The following GPA33 variants were observed in gnomAD, a reference collection of about 807,000 sequenced individuals.
GPA33 encodes the protein glycoprotein A33.
A neutral mutation model predicts 35.6 loss-of-function variants in GPA33; 27 were observed. The ratio of observed to expected loss-of-function variants is 0.76; its 90% CI spans 0.56 to 1.04. The LOEUF (loss-of-function observed/expected upper bound fraction) is 1.04. GPA33 is among the 50% of genes least tolerant of loss of function. The pLI is 0.00. For missense variants in GPA33, 428 were observed against 411.9 expected, an observed-to-expected ratio of 1.04 and a Z score of -0.34; for synonymous variants, 176 against 164.0, an observed-to-expected ratio of 1.07 and a Z score of -0.56.
chr1:167,076,423 A>C (rs1325676939), intron 1 of GPA33, among the ~76,000 whole-genome samples: 2 of 152,190 alleles, frequency 1.3e-5, no homozygotes, highest in Non-Finnish European at 2.9e-5. Flanking sequence ...AGGCTGCAGC[A>C]TAAAGAAGGA....
intron 1 of GPA33, chr1:167,082,459 G>A: frequency 2.6e-6 from 1 of 378,814 alleles, no homozygotes; most frequent in Non-Finnish European, 5.1e-6. Context: ...AGGATCCTGA[G>A]CAGATTTCTT....
At chr1:167,055,608 G>C in intron 5 of GPA33, 122 bp downstream of exon 5, 1 of 1,050,728 alleles carries the variant, frequency 9.5e-7, no homozygotes, top group Non-Finnish European at 1.4e-6. Flanking sequence ...CAGCTAACCT[G>C]CAGGTGCGTG....
At chr1:167,070,129 G>A (rs149521287) in intron 2 of GPA33, among the ~76,000 whole-genome samples, 1 of 152,280 alleles carries the variant, frequency 6.6e-6, no homozygotes, top group African/African-American at 2.4e-5. Flanking sequence ...TGGGGGTATT[G>A]GGAGAGTAAG....
chr1:167,055,098 C>G lies in GPA33; in HGVS notation c.705G>C (p.Val235=). 1 of 1,612,654 alleles carries G rather than the reference C, an allele frequency of 6.2e-7. No homozygotes were observed. The highest frequency in any genetic ancestry group is 8.5e-7 in the Non-Finnish European group (1 of 1,179,840). ...CCACCGCGATGCCCACATACAGGGC[C>G]ACGTTCATGGAGGCTGCAAGAGGAC... is the stretch of plus-strand genomic sequence containing the variant. ...TVAVRSPSMN[V]ALYVGIAVGV... is the part of the protein sequence containing the mutation. The change falls in exon 6 of 7, where the codon GTG becomes GTC. Residue 235 remains valine, a synonymous_variant. Coordinates refer to ENST00000367868, the MANE Select transcript of GPA33 (RefSeq NM_005814.3).
intron 3 of GPA33, among the ~76,000 whole-genome samples, chr1:167,066,368 G>A (rs1666592398): frequency 6.6e-6 from 1 of 152,204 alleles, no homozygotes; most frequent in Non-Finnish European, 1.5e-5. Flanking sequence ...GAAAACTGCT[G>A]AAAGCAAATC....
intron 2 of GPA33, 112 bp downstream of exon 2, chr1:167,073,273 G>A (rs1666756245): frequency 1.1e-6 from 1 of 882,616 alleles, no homozygotes; most frequent in African/African-American, 1.6e-5. Context: ...CAGCCTGGGT[G>A]CTAGTGTTTA....
At chr1:167,084,659 C>T (rs1273381514) in intron 1 of GPA33, among the ~76,000 whole-genome samples, 1 of 152,110 alleles carries the variant, frequency 6.6e-6, no homozygotes, top group East Asian at 1.9e-4. Context: ...TGTGGAGAGG[C>T]CCCTGGAGAG....
Position 167,054,365 on chromosome 1 carries a change from C to T in GPA33, c.929G>A (p.Gly310Glu), listed in dbSNP as rs771418121. 1.2e-6 allele frequency: 2 copies of T among 1,614,136 alleles called. No individual in the cohort carries two copies. The highest frequency in any genetic ancestry group is 2.2e-5 in the East Asian group (1 of 44,876). Residue 310 changes from glycine (G) to glutamate (E), a missense_variant, in exon 7 of 7, where the codon GGG (glycine) becomes GAG (glutamate). Coordinates refer to ENST00000367868, the MANE Select transcript of GPA33 (RefSeq NM_005814.3). Reference protein sequence around the residue: ...DYRQEEQRSTGRESPDHLDQ With the variant: ...DYRQEEQRSTERESPDHLDQ ...GTCGAGGTGGTCCGGGGATTCACGC[C>T]CAGTGCTCCTCTGCTCTTCTTGCCT...
At chr1:167,056,680 CTG>C (rs1666279413) in intron 4 of GPA33, among the ~76,000 whole-genome samples, 1 of 2,476 alleles carries the variant, frequency 4.0e-4, no homozygotes, top group African/African-American at 1.8e-3. Flanking sequence ...TGTGATGTGT[CTG>C]GTGTGTGGTG....
At chr1:167,082,200 T>C (rs1666963104) in intron 1 of GPA33, 3 of 453,922 alleles carry the variant, frequency 6.6e-6, no homozygotes, top group Non-Finnish European at 1.3e-5. Flanking sequence ...AGAGAGAATA[T>C]TTCTAGAAGA....
Position 167,062,732 on chromosome 1 carries a change from T to C in GPA33, c.571+850A>G, listed in dbSNP as rs142226304. 1.7e-3 allele frequency among the ~76,000 whole-genome samples: 239 copies of C among 138,292 alleles called. 1 individual carries two copies. Among genetic ancestry groups the C allele is most frequent in the African/African-American group, 5.9e-3 (223 of 37,808 alleles). The allele number at this position is 138,292 out of a possible 152,430, so 90.7% of individuals were successfully genotyped here. A position where few individuals can be genotyped will look rare whatever the true frequency, so the allele number is the denominator to read the frequency against. ...TACAAAACTGGTCTCCTGGCAACTA[T>C]AGCTGAATCCACCATCGCCTCCCCT... is the stretch of plus-strand genomic sequence containing the variant. On this transcript the variant is annotated intron_variant, in intron 4 of 6. Coordinates refer to ENST00000367868, the MANE Select transcript of GPA33 (RefSeq NM_005814.3).
chr1:167,061,591 T>G (rs946167873), intron 4 of GPA33, among the ~76,000 whole-genome samples: 112 of 134,240 alleles, frequency 8.3e-4, no homozygotes, highest in East Asian at 3.8e-3. Flanking sequence ...TAACTGTTTT[T>G]TTTTTTTTTT....
chr1:167,089,891 T>A (rs1438318875), intron 1 of GPA33, among the ~76,000 whole-genome samples: 1 of 151,658 alleles, frequency 6.6e-6, no homozygotes, highest in African/African-American at 2.4e-5. Context: ...AATGAACATA[T>A]CTAGATCCAC....
At position 167,089,702 on chromosome 1, in the gene GPA33, G is replaced by A. The variant is rs1353279920; in HGVS notation, c.43+543C>T. ...GAGTCCCAGAATTTTCAATGACCAG[G>A]GTCCCAGAAGTGGCAAGGAGCTTTG... On this transcript the variant is annotated intron_variant, in intron 1 of 6. Coordinates refer to ENST00000367868, the MANE Select transcript of GPA33 (RefSeq NM_005814.3). Among the ~76,000 whole-genome samples, 5 of 152,030 alleles carry A rather than the reference G, an allele frequency of 3.3e-5. 1 individual carries two copies. The highest frequency in any genetic ancestry group is 3.3e-4 in the Admixed American group (5 of 15,274).
chr1:167,056,718 GTA>G (rs1666288909), intron 4 of GPA33, among the ~76,000 whole-genome samples: 11 of 5,656 alleles, frequency 1.9e-3, no homozygotes, highest in Non-Finnish European at 3.3e-3. Context: ...TAGTGTGTGT[GTA>G]GTGTGTGATG....
intron 1 of GPA33, among the ~76,000 whole-genome samples, chr1:167,084,608 T>C (rs1329316884): frequency 1.3e-5 from 2 of 152,206 alleles, no homozygotes; most frequent in Admixed American, 6.5e-5. Flanking sequence ...ATGTTTACTC[T>C]TGAATCCAGC....
chr1:167,055,473 G>A (rs750638476), intron 5 of GPA33, among the ~76,000 whole-genome samples: 2 of 152,182 alleles, frequency 1.3e-5, no homozygotes, highest in African/African-American at 2.4e-5. Context: ...TCCTAGGCAG[G>A]TGGGACTGAC....
At chr1:167,079,256 G>T (rs1666879275) in intron 1 of GPA33, among the ~76,000 whole-genome samples, 1 of 152,106 alleles carries the variant, frequency 6.6e-6, no homozygotes, top group South Asian at 2.1e-4. Flanking sequence ...ACTTTGGGAG[G>T]CTAAGGCGGG....
intron 3 of GPA33, among the ~76,000 whole-genome samples, chr1:167,067,699 A>C (rs1435414164): frequency 6.6e-6 from 1 of 152,242 alleles, no homozygotes; most frequent in Non-Finnish European, 1.5e-5. Flanking sequence ...GAACACTTGA[A>C]TAAATCATGG....
Sources: gnomAD v4.1 joint callset for allele counts (sites outside exome capture counted in the v4.1 genomes callset) on GRCh38, gnomAD v4.1.1 for gene constraint, MANE v1.5 for transcripts, NCBI Gene and HGNC (gene_info 2026-07-23, HGNC 2026-07-21) for gene names.